DSTYK: variants seen among roughly 807,000 people sequenced by gnomAD.
DSTYK encodes the protein RIP-homologous kinase.
In DSTYK, 34 loss-of-function variants were observed where a neutral mutation model predicts 98.7. That is an observed-to-expected ratio of 0.34 (90% confidence interval 0.26 to 0.46). The LOEUF (loss-of-function observed/expected upper bound fraction) is 0.46, where lower values mean the gene tolerates loss of function less well. DSTYK is among the 20% of genes least tolerant of loss of function. DSTYK has a pLI of 1.00. For synonymous variants in DSTYK, 462 were observed against 457.3 expected, an observed-to-expected ratio of 1.01 and a Z score of -0.13; for missense variants, 962 against 1,181.7, an observed-to-expected ratio of 0.81 and a Z score of 2.73.
intron 11 of DSTYK, 83 bp from the exon 12 acceptor site, chr1:205,148,422 T>G: frequency 6.4e-7 from 1 of 1,562,570 alleles, no homozygotes; most frequent in South Asian, 1.1e-5. Context: ...AGTAGAGGGT[T>G]GGCTTTTTCC....
intron 1 of DSTYK, among the ~76,000 whole-genome samples, chr1:205,191,409 T>C (rs1028596145): frequency 1.3e-5 from 2 of 152,216 alleles, no homozygotes; most frequent in Admixed American, 1.3e-4. Context: ...AGCACGAGAA[T>C]GAAGGCAGGC....
At position 205,147,044 on chromosome 1, in the gene DSTYK, T is replaced by C. The variant is rs1355408166; in HGVS notation, c.*514A>G. On this transcript the variant is annotated 3_prime_UTR_variant, in exon 13 of 13. Transcript: ENST00000367162. ...GACTTCTGACCATTGCAACCTGAGA[T>C]ACCTGGCTGCAGACAGCAGGAACCA... The C allele has an allele frequency of 1.3e-5, 2 of 153,040 alleles. No homozygotes were observed. The highest frequency in any genetic ancestry group is 2.9e-5 in the Non-Finnish European group (2 of 68,356). 9.5% of individuals were successfully genotyped at this position (153,040 alleles called of 1,614,324 possible).
At chr1:205,193,707 C>T (rs942500984) in intron 1 of DSTYK, among the ~76,000 whole-genome samples, 3 of 152,058 alleles carry the variant, frequency 2.0e-5, no homozygotes, top group Admixed American at 6.5e-5. Flanking sequence ...CCCACCTCTA[C>T]TAAAAATACA....
Position 205,150,919 on chromosome 1 carries a change from AG to A in DSTYK, c.2353-126del. 1 of 761,514 alleles carries A rather than the reference AG, an allele frequency of 1.3e-6. No homozygotes were observed. The allele number at this position is 761,514 out of a possible 1,614,324, so 47.2% of individuals were successfully genotyped here. A position where few individuals can be genotyped will look rare whatever the true frequency, so the allele number is the denominator to read the frequency against. ...TGGATAGGATTATGCTCTGAAAATGAGTTGTCAGGTGATTTCATCCTTGTAC... is the reference window on the plus strand; with the variant it reads ...TGGATAGGATTATGCTCTGAAAATGATTGTCAGGTGATTTCATCCTTGTAC... On this transcript the variant is annotated intron_variant, in intron 10 of 12. Coordinates refer to ENST00000367162, the MANE Select transcript of DSTYK (RefSeq NM_015375.3). The surrounding 1 kb of genome is among the most constrained non-coding windows in gnomAD (Gnocchi z 4.1).
chr1:205,176,138 T>C (rs1218427216), intron 2 of DSTYK, among the ~76,000 whole-genome samples: 1 of 152,174 alleles, frequency 6.6e-6, no homozygotes, highest in Non-Finnish European at 1.5e-5. Context: ...TCTGTGGAGT[T>C]TACAGAAGTT....
chr1:205,156,944 G>C (rs978859788), intron 10 of DSTYK, among the ~76,000 whole-genome samples: 1 of 152,146 alleles, frequency 6.6e-6, no homozygotes. Flanking sequence ...GTTCTAATGA[G>C]ATCTGATGGT....
chr1:205,166,237 A>T (rs982344063), intron 3 of DSTYK, among the ~76,000 whole-genome samples: 4 of 152,134 alleles, frequency 2.6e-5, no homozygotes, highest in Admixed American at 2.0e-4. Context: ...TGGTGTCTTT[A>T]TAACTCTGAG....
At chr1:205,161,145 AG>A in intron 7 of DSTYK, 112 bp downstream of exon 7, 1 of 1,353,254 alleles carries the variant, frequency 7.4e-7, no homozygotes, top group Non-Finnish European at 1.0e-6. Flanking sequence ...GTAAGGGTTT[AG>A]GCAGCTTTGC....
chr1:205,197,612 G>GA (rs779175785), intron 1 of DSTYK, among the ~76,000 whole-genome samples: 93 of 142,722 alleles, frequency 6.5e-4, no homozygotes, highest in South Asian at 8.9e-4. Context: ...AAACCAGCCG[G>GA]AAAAAAAAAA....
intron 2 of DSTYK, among the ~76,000 whole-genome samples, 200 bp downstream of exon 2, chr1:205,187,218 C>T (rs977598079): frequency 3.3e-5 from 5 of 152,158 alleles, no homozygotes; most frequent in African/African-American, 4.8e-5. Flanking sequence ...GGCCTTGCAG[C>T]ATGGTAAGGA....
rs1558617352 is a variant in DSTYK, at chr1:205,183,079, AGCAC to A, written c.654+4335_654+4338del. The stretch of plus-strand genomic sequence containing the variant: ...TAGGTGTTCACAGGAAAAAAAAAAA[AGCAC>A]ACACACACACACACACACAGAGATA... On this transcript the variant is annotated intron_variant, in intron 2 of 12. Coordinates refer to ENST00000367162, the MANE Select transcript of DSTYK (RefSeq NM_015375.3). Among the ~76,000 whole-genome samples the A allele has an allele frequency of 9.8e-5, 12 of 122,306 alleles. No individual in the cohort carries two copies. The South Asian group carries it at 1.7e-3, about 18-fold the overall frequency. The allele number at this position is 122,306 out of a possible 152,430, so 80.2% of individuals were successfully genotyped here. A position where few individuals can be genotyped will look rare whatever the true frequency, so the allele number is the denominator to read the frequency against.
At position 205,169,513 on chromosome 1, in the gene DSTYK, T is replaced by G; in HGVS notation, c.974A>C (p.Gln325Pro). The G allele has an allele frequency of 6.2e-7, 1 of 1,614,180 alleles. No individual in the cohort carries two copies. The highest frequency in any genetic ancestry group is 1.7e-5 in the Admixed American group (1 of 60,014). Reference protein sequence around the residue: ...SSHWNCGAPGQDTKAQSMLVE... With the variant: ...SSHWNCGAPGPDTKAQSMLVE... ...CAACATGCTCTGAGCTTTAGTATCC[T>G]GGCCAGGAGCCCCACAGTTCCAGTG... The change falls in exon 3 of 13, where the codon CAG becomes CCG. Residue 325 changes from glutamine to proline, a missense_variant. By Grantham distance (76) the Gln-to-Pro change is moderately conservative. This residue lies in a region of DSTYK where 660 missense variants were observed against 855.0 expected (regional missense o/e 0.77). Transcript: ENST00000367162. This position sits in a 1 kb window ranked among gnomAD's most constrained non-coding sequence, Gnocchi z 4.0.
chr1:205,162,436 A>G (rs1043959526), intron 5 of DSTYK, among the ~76,000 whole-genome samples: 1 of 152,190 alleles, frequency 6.6e-6, no homozygotes, highest in African/African-American at 2.4e-5. Context: ...CATGCTCACA[A>G]ACCCTCAATA....
In DSTYK at chr1:205,181,656, T is replaced by TGTGTGTGTGTG. The variant is rs1558616449; in HGVS notation, c.654+5761_654+5762insCACACACACAC. 2.0e-3 allele frequency among the ~76,000 whole-genome samples: 288 copies of TGTGTGTGTGTG among 142,638 alleles called. 6 individuals are homozygous for TGTGTGTGTGTG. Among genetic ancestry groups the TGTGTGTGTGTG allele is most frequent in the East Asian group, 4.8e-3 (23 of 4,816 alleles). The allele number at this position is 142,638 out of a possible 152,430, so 93.6% of individuals were successfully genotyped here. A position where few individuals can be genotyped will look rare whatever the true frequency, so the allele number is the denominator to read the frequency against. On this transcript the variant is annotated intron_variant, in intron 2 of 12. Coordinates refer to ENST00000367162, the MANE Select transcript of DSTYK (RefSeq NM_015375.3). ...AGATGTGAGCCACAGATGTTGGGGT[T>TGTGTGTGTGTG]TGTGTGTGTGTGTGTGTGTGTGTGT...
rs1657984983 is a variant in DSTYK at position 205,169,404 on chromosome 1, G to A, written c.1083C>T (p.Ala361=). ...GGCAGTGGCAGTGCACCAGGTTCAGGGCCTTGGCTGCATCCACCAGGCGAG... is the reference window on the plus strand; with the variant it reads ...GGCAGTGGCAGTGCACCAGGTTCAGAGCCTTGGCTGCATCCACCAGGCGAG... ...LQTRLVDAAK[A]LNLVHCHCLD... The change falls in exon 3 of 13, where the codon GCC becomes GCT. Residue 361 remains alanine (A), a synonymous_variant. Coordinates refer to ENST00000367162, the MANE Select transcript of DSTYK (RefSeq NM_015375.3). The surrounding 1 kb of genome is among the most constrained non-coding windows in gnomAD (Gnocchi z 4.0). 3.7e-6 allele frequency: 6 copies of A among 1,614,098 alleles called. No individual in the cohort carries two copies. In the East Asian group the frequency reaches 1.3e-4, roughly 36 times the overall value.
In DSTYK at chr1:205,157,934, A is replaced by C. The variant is rs2102393853; in HGVS notation, c.2239-548T>G. 2.0e-5 allele frequency among the ~76,000 whole-genome samples: 3 copies of C among 152,278 alleles called. No homozygotes were observed. In the South Asian group the frequency reaches 6.2e-4, roughly 32 times the overall value. On this transcript the variant is annotated intron_variant, in intron 9 of 12. Transcript: ENST00000367162. ...ACTAGCAGATAGAACCAAACAACTA[A>C]GGCATGAGCTCATTTCTAACACTTG...
At chr1:205,154,168 C>A (rs1398818336) in intron 10 of DSTYK, among the ~76,000 whole-genome samples, 1 of 151,628 alleles carries the variant, frequency 6.6e-6, no homozygotes, top group Non-Finnish European at 1.5e-5. Flanking sequence ...CTTCATTGTA[C>A]CACTCTTCCA....
At position 205,211,377 on chromosome 1, in the gene DSTYK, G is replaced by T. The variant is rs1255231245; in HGVS notation, c.159C>A (p.Arg53=). The T allele has an allele frequency of 6.2e-7, 1 of 1,612,530 alleles. No homozygotes were observed. The highest frequency in any genetic ancestry group is 1.1e-5 in the South Asian group (1 of 90,852). ...TGTGGTTGTGGGAGCACTTGATGTC[G>T]CGGAAGAACTTCTGGGTCTCGCGCA... ...QNLRETQKFF[R]DIKCSHNHTC... is the part of the protein sequence containing the mutation. Residue 53 remains arginine (R), a synonymous_variant, in exon 1 of 13, where the codon CGC becomes CGA. Transcript: ENST00000367162.
At chr1:205,172,856 T>G (rs563599180) in intron 2 of DSTYK, among the ~76,000 whole-genome samples, 2 of 152,270 alleles carry the variant, frequency 1.3e-5, no homozygotes, top group African/African-American at 4.8e-5. Context: ...GTTTCATCTG[T>G]GTCTCAAGTT....
Sources: gnomAD v4.1 joint callset for allele counts (sites outside exome capture counted in the v4.1 genomes callset) on GRCh38, gnomAD v4.1.1 for gene constraint, gnomAD v4.1.1 regional missense constraint, Gnocchi (gnomAD v3.1) non-coding constraint, MANE v1.5 for transcripts, NCBI Gene and HGNC (gene_info 2026-07-23, HGNC 2026-07-21) for gene names.